Variants in TAF4 observed in about 807,000 individuals in gnomAD.
TAF4 encodes the protein TATA-box binding protein associated factor 4.
In TAF4, 9 loss-of-function variants were observed where a neutral mutation model predicts 90.3. That is an observed-to-expected ratio of 0.10 (90% confidence interval 0.06 to 0.17). The LOEUF is 0.17. TAF4 is among the 10% of genes least tolerant of loss of function. The probability of loss-of-function intolerance (pLI) is 1.00; values close to 1 mark genes in which losing one functional copy is unlikely to be tolerated. For synonymous variants in TAF4, 818 were observed against 638.9 expected (o/e 1.28, Z -4.23); for missense variants, 1,351 against 1,370.7 (o/e 0.99, Z 0.23).
At chr20:62,063,506 T>C (rs1016079328) in intron 1 of TAF4, among the ~76,000 whole-genome samples, 1 of 151,924 alleles carries the variant, frequency 6.6e-6, no homozygotes, top group Non-Finnish European at 1.5e-5. Context: ...ATCTTTCCTG[T>C]CAAACTTGAG....
chr20:62,003,426 C>T (rs2055720723), intron 8 of TAF4, 152 bp from the exon 9 acceptor site: 2 of 697,050 alleles, frequency 2.9e-6, no homozygotes, highest in Non-Finnish European at 4.9e-6. Flanking sequence ...CTCTAAATTA[C>T]AGTACAAAGT....
chr20:61,985,406 C>T (rs1470771789), intron 14 of TAF4, among the ~76,000 whole-genome samples: 3 of 151,798 alleles, frequency 2.0e-5, no homozygotes, highest in Non-Finnish European at 4.4e-5. Flanking sequence ...GAGCAAGACT[C>T]CATCTCTAAA....
At chr20:62,063,318 G>A (rs140093073) in intron 1 of TAF4, among the ~76,000 whole-genome samples, 6 of 152,340 alleles carry the variant, frequency 3.9e-5, no homozygotes, top group African/African-American at 1.2e-4. Context: ...ATTCAGAGAG[G>A]GGACGCAGGA....
intron 1 of TAF4, among the ~76,000 whole-genome samples, chr20:62,035,399 C>T (rs768231770): frequency 2.0e-5 from 3 of 152,132 alleles, no homozygotes; most frequent in Non-Finnish European, 4.4e-5. Context: ...AGGCTAGAAA[C>T]GGATGCCACA....
At chr20:62,023,747 CAAA>C (rs59813943) in intron 1 of TAF4, among the ~76,000 whole-genome samples, 1,743 of 59,514 alleles carry the variant, frequency 0.029, 26 homozygotes, top group African/African-American at 0.099. Context: ...GACTCCATCT[CAAA>C]AAAAAAAAAA....
chr20:62,045,128 G>A (rs1189784642), intron 1 of TAF4, among the ~76,000 whole-genome samples: 1 of 152,230 alleles, frequency 6.6e-6, no homozygotes, highest in East Asian at 1.9e-4. Context: ...CTCAGGTAGG[G>A]AGAGACAGTC....
chr20:62,016,322 AAAG>A (rs1413943616), intron 1 of TAF4, among the ~76,000 whole-genome samples: 4 of 152,380 alleles, frequency 2.6e-5, no homozygotes, highest in South Asian at 2.1e-4. Context: ...GGGTGTTGCC[AAAG>A]AAGGTTAACA....
At chr20:62,015,434 C>T (rs1258863578) in intron 1 of TAF4, among the ~76,000 whole-genome samples, 3 of 152,240 alleles carry the variant, frequency 2.0e-5, no homozygotes, top group African/African-American at 7.2e-5. Context: ...AACAGCAACA[C>T]AATTGTCCAA....
intron 14 of TAF4, among the ~76,000 whole-genome samples, chr20:61,988,268 CA>C (rs11477289): frequency 0.62 from 94,977 of 151,996 alleles, 29,796 homozygotes; most frequent in Middle Eastern, 0.76. Context: ...ACCACCCGGC[CA>C]AGCGGGGGAG....
In TAF4 at chr20:62,010,858, G is replaced by A. The variant is rs28382064; in HGVS notation, c.1642-693C>T. Among the ~76,000 whole-genome samples, 14,201 of 152,276 alleles carry A rather than the reference G, an allele frequency of 0.093. 1,123 individuals are homozygous for A. Among genetic ancestry groups the A allele is most frequent in the East Asian group, 0.44 (2,274 of 5,186 alleles). Reference sequence around the variant, plus strand: ...TCAGACAACTCAGTGGCCTGTACTCGATTCCTAACATTTCCATTCTACATG... The same window carrying A: ...TCAGACAACTCAGTGGCCTGTACTCAATTCCTAACATTTCCATTCTACATG... On this transcript the variant is annotated intron_variant, in intron 3 of 14. Coordinates refer to ENST00000252996, the MANE Select transcript of TAF4 (RefSeq NM_003185.4). The surrounding 1 kb of genome is among the most constrained non-coding windows in gnomAD (Gnocchi z 4.5).
At chr20:62,052,984 C>T (rs79155263) in intron 1 of TAF4, among the ~76,000 whole-genome samples, 1,792 of 152,220 alleles carry the variant, frequency 0.012, 14 homozygotes, top group Non-Finnish European at 0.019. Flanking sequence ...CGCCACCCCC[C>T]ACAACACCAG....
Position 62,064,639 on chromosome 20 carries a change from G to A in TAF4, c.1172C>T (p.Pro391Leu). ...GALPSPAAVP[P>L]PAPGTPTGLP... ...CCCGGTGGGGGTCCCGGGGGCGGGC[G>A]GCGGGACGGCGGCCGGGCTGGGCAG... is the stretch of plus-strand genomic sequence containing the variant. The change falls in exon 1 of 15, where the codon CCG (proline) becomes CTG (leucine). Residue 391 changes from proline (P) to leucine (L), a missense_variant. Pro to Leu is a moderately conservative substitution (Grantham distance 98, BLOSUM62 -3). Transcript: ENST00000252996. The A allele has an allele frequency of 7.5e-7, 1 of 1,333,552 alleles. No individual in the cohort carries two copies. Among genetic ancestry groups the A allele is most frequent in the Non-Finnish European group, 9.5e-7 (1 of 1,049,088 alleles). The allele number at this position is 1,333,552 out of a possible 1,614,324, so 82.6% of individuals were successfully genotyped here.
chr20:61,988,169 T>A (rs995154608), intron 14 of TAF4, among the ~76,000 whole-genome samples: 1 of 152,178 alleles, frequency 6.6e-6, no homozygotes, highest in East Asian at 1.9e-4. Context: ...ACCCACAGAA[T>A]GTACACACCA....
intron 1 of TAF4, among the ~76,000 whole-genome samples, chr20:62,015,399 C>G (rs2055806792): frequency 6.6e-6 from 1 of 152,250 alleles, no homozygotes; most frequent in Non-Finnish European, 1.5e-5. Flanking sequence ...AAACAGCAAC[C>G]AGTTATATCA....
At chr20:62,030,013 G>A (rs1449665337) in intron 1 of TAF4, among the ~76,000 whole-genome samples, 2 of 152,244 alleles carry the variant, frequency 1.3e-5, no homozygotes, top group African/African-American at 4.8e-5. Flanking sequence ...CATGGTCACG[G>A]TGAAGCTGCC....
chr20:62,016,070 C>T (rs943008092), intron 1 of TAF4, among the ~76,000 whole-genome samples: 1 of 152,214 alleles, frequency 6.6e-6, no homozygotes, highest in African/African-American at 2.4e-5. Flanking sequence ...TCCAAGGCTC[C>T]GTCTCCGAGT....
chr20:62,009,224 T>C (rs1026656317), intron 4 of TAF4, 50 bp from the exon 5 acceptor site: 9 of 1,553,532 alleles, frequency 5.8e-6, no homozygotes, highest in African/African-American at 1.4e-5. Flanking sequence ...AGGCAGATTT[T>C]TGTCACAGCC....
At chr20:62,005,407 C>T (rs576963969) in intron 7 of TAF4, 3 of 152,414 alleles carry the variant, frequency 2.0e-5, no homozygotes, top group African/African-American at 7.2e-5. Context: ...TCTAAAAACA[C>T]CCATGCTGCT....
At chr20:62,064,049 G>A (rs1251269693) in intron 1 of TAF4, among the ~76,000 whole-genome samples, 1 of 152,208 alleles carries the variant, frequency 6.6e-6, no homozygotes, top group African/African-American at 2.4e-5. Context: ...CACAGCCCCA[G>A]GTACTGCCCT....
Sources: gnomAD v4.1 joint callset for allele counts (sites outside exome capture counted in the v4.1 genomes callset) on GRCh38, gnomAD v4.1.1 for gene constraint, Gnocchi (gnomAD v3.1) non-coding constraint, MANE v1.5 for transcripts, NCBI Gene and HGNC (gene_info 2026-07-23, HGNC 2026-07-21) for gene names.